The following SEPHS1 variants were observed in gnomAD, a reference collection of about 807,000 sequenced individuals.
The protein encoded by SEPHS1 is selenophosphate synthetase 1, also known as zincore component SEPHS1.
A neutral mutation model predicts 39.2 loss-of-function variants in SEPHS1; 7 were observed. That is an observed-to-expected ratio of 0.18 (90% CI 0.10 to 0.34). SEPHS1 has a LOEUF of 0.34. Among genes scored for constraint, SEPHS1 ranks in the 10% least tolerant of loss-of-function variants. The pLI, the probability that SEPHS1 is intolerant of heterozygous loss-of-function variation, is 1.00. For missense variants in SEPHS1, 253 were observed against 514.5 expected (o/e 0.49, Z 4.92); for synonymous variants, 190 against 195.5 (o/e 0.97, Z 0.23).
At chr10:13,328,774 C>CA (rs1833381092) in intron 6 of SEPHS1, among the ~76,000 whole-genome samples, 1 of 152,192 alleles carries the variant, frequency 6.6e-6, no homozygotes, top group Non-Finnish European at 1.5e-5. Context: ...AGGGCTCCCC[C>CA]ATCCGTGACA....
chr10:13,344,735 CAAAG>C lies in SEPHS1; in HGVS notation c.193+19_193+22del, dbSNP rs755309378. The stretch of plus-strand genomic sequence containing the variant: ...ACTCACTGATTGGATCGCAGACCAT[CAAAG>C]AAACACTGGGTTACCTACCAAGCCT... On this transcript the variant is annotated intron_variant, in intron 2 of 8. Transcript: ENST00000327347. 1.2e-5 allele frequency: 17 copies of C among 1,448,730 alleles called. No homozygotes were observed. In the African/African-American group the frequency reaches 2.4e-4, roughly 21 times the overall value. 89.7% of individuals were successfully genotyped at this position (1,448,730 alleles called of 1,614,324 possible).
intron 8 of SEPHS1, 57 bp downstream of exon 8, chr10:13,322,778 G>T: frequency 1.3e-6 from 2 of 1,533,122 alleles, no homozygotes; most frequent in Non-Finnish European, 1.8e-6. Context: ...CTGCTTTCTC[G>T]CTGAGCTTTC....
chr10:13,328,273 C>T, intron 7 of SEPHS1, 78 bp downstream of exon 7: 1 of 983,966 alleles, frequency 1.0e-6, no homozygotes, highest in South Asian at 1.4e-5. Context: ...TACCCTGAGA[C>T]AGTATGTGGC....
At chr10:13,333,794 A>G in intron 5 of SEPHS1, 23 bp downstream of exon 5, 1 of 1,611,228 alleles carries the variant, frequency 6.2e-7, no homozygotes, top group Non-Finnish European at 8.5e-7. Context: ...AGGTCAGGTG[A>G]TATGAAACAA....
chr10:13,331,904 G>C (rs1833482853), intron 5 of SEPHS1, among the ~76,000 whole-genome samples: 1 of 152,220 alleles, frequency 6.6e-6, no homozygotes, highest in South Asian at 2.1e-4. Context: ...AACAAGTACT[G>C]GAGGGGTCAT....
At chr10:13,344,453 T>C (rs1182475189) in intron 2 of SEPHS1, among the ~76,000 whole-genome samples, 1 of 152,098 alleles carries the variant, frequency 6.6e-6, no homozygotes, top group Non-Finnish European at 1.5e-5. Flanking sequence ...GTACTTTCTC[T>C]ACATAAGTTA....
chr10:13,320,187 ATTTTTT>A (rs991848446), intron 8 of SEPHS1, among the ~76,000 whole-genome samples: 1 of 145,998 alleles, frequency 6.8e-6, no homozygotes, highest in Non-Finnish European at 1.5e-5. Context: ...TAGGCCATAA[ATTTTTT>A]TTTTTTTTGA....
At chr10:13,332,581 C>CTTTGGGA (rs1364173527) in intron 5 of SEPHS1, among the ~76,000 whole-genome samples, 1 of 152,122 alleles carries the variant, frequency 6.6e-6, no homozygotes, top group East Asian at 1.9e-4. Context: ...CGGTGGCTCA[C>CTTTGGGA]GCCTGTAATC....
intron 2 of SEPHS1, among the ~76,000 whole-genome samples, chr10:13,343,368 A>G (rs1188468968): frequency 6.6e-6 from 1 of 152,134 alleles, no homozygotes; most frequent in Admixed American, 6.6e-5. Flanking sequence ...GAGCTCCTCA[A>G]AGTCCTGCAG....
intron 2 of SEPHS1, among the ~76,000 whole-genome samples, chr10:13,342,058 T>C (rs1479978191): frequency 2.7e-5 from 4 of 149,548 alleles, no homozygotes; most frequent in Non-Finnish European, 4.4e-5. Context: ...GGCAGGCGGA[T>C]CACGAGGTCA....
At chr10:13,328,488 GAA>G in intron 6 of SEPHS1, 38 bp from the exon 7 acceptor site, 1 of 1,393,356 alleles carries the variant, frequency 7.2e-7, no homozygotes, top group Non-Finnish European at 1.0e-6. Context: ...AGAAAGAGAG[GAA>G]AATGTGATTA....
At position 13,344,998 on chromosome 10, in the gene SEPHS1, T is replaced by C; in HGVS notation, c.-48A>G. Reference sequence around the variant, plus strand: ...CACAGCTCAGCCCCTCCCCTCCCTCTGCGGGTTGGCTGGGTTCTTTATGGA... The same window carrying C: ...CACAGCTCAGCCCCTCCCCTCCCTCCGCGGGTTGGCTGGGTTCTTTATGGA... On this transcript the variant is annotated 5_prime_UTR_variant, in exon 2 of 9. Coordinates refer to ENST00000327347, the MANE Select transcript of SEPHS1 (RefSeq NM_012247.5). The C allele has an allele frequency of 7.2e-7, 1 of 1,386,710 alleles. No individual in the cohort carries two copies. Among genetic ancestry groups the C allele is most frequent in the Non-Finnish European group, 9.4e-7 (1 of 1,058,738 alleles). 85.9% of individuals were successfully genotyped at this position (1,386,710 alleles called of 1,614,324 possible).
chr10:13,321,774 G>C (rs567406551), intron 8 of SEPHS1, among the ~76,000 whole-genome samples: 1 of 152,382 alleles, frequency 6.6e-6, no homozygotes, highest in South Asian at 2.1e-4. Context: ...TGGCGAGCCT[G>C]TAGGCTGTGG....
chr10:13,322,688 G>A (rs1833151143), intron 8 of SEPHS1, 147 bp downstream of exon 8: 1 of 728,068 alleles, frequency 1.4e-6, no homozygotes, highest in South Asian at 1.7e-5. Context: ...CCGGGAGGAG[G>A]AAAGGCACCA....
At chr10:13,336,727 GA>G (rs1407399061) in intron 3 of SEPHS1, among the ~76,000 whole-genome samples, 1 of 152,152 alleles carries the variant, frequency 6.6e-6, no homozygotes, top group Non-Finnish European at 1.5e-5. Flanking sequence ...GCTATGGAGC[GA>G]AAAAGCCTGC....
rs910256212 is a variant in SEPHS1 at position 13,317,699 on chromosome 10, G to C, written c.*1443C>G. 4 of 152,204 alleles carry C rather than the reference G, an allele frequency of 2.6e-5. No homozygotes were observed. Among genetic ancestry groups the C allele is most frequent in the African/African-American group, 7.2e-5 (3 of 41,436 alleles). 9.4% of individuals were successfully genotyped at this position (152,204 alleles called of 1,614,324 possible). ...TCCCAGGGGTCATTTCCTTTGGCAAGAAGTCAGTTTACATGTGCAGCTTTG... is the reference window on the plus strand; with the variant it reads ...TCCCAGGGGTCATTTCCTTTGGCAACAAGTCAGTTTACATGTGCAGCTTTG... On this transcript the variant is annotated 3_prime_UTR_variant, in exon 9 of 9. Coordinates refer to ENST00000327347, the MANE Select transcript of SEPHS1 (RefSeq NM_012247.5).
At chr10:13,343,391 T>C in intron 2 of SEPHS1, among the ~76,000 whole-genome samples, 1 of 152,190 alleles carries the variant, frequency 6.6e-6, no homozygotes, top group Non-Finnish European at 1.5e-5. Context: ...CACCAGCGAC[T>C]GGGGTGTAAC....
intron 8 of SEPHS1, among the ~76,000 whole-genome samples, chr10:13,321,787 G>A (rs1833126121): frequency 6.6e-6 from 1 of 152,252 alleles, no homozygotes; most frequent in East Asian, 1.9e-4. Flanking sequence ...GGCTGTGGGT[G>A]GCGGCCTCGG....
rs1833409998 is a variant in SEPHS1 at position 13,329,608 on chromosome 10, C to T, written c.651+90G>A. ...TAATATTAACTCCCTGGATATGAAA[C>T]TAAAAAACCTCATTTCCCAAATCCT... On this transcript the variant is annotated intron_variant, in intron 6 of 8. Transcript: ENST00000327347. 5 of 952,386 alleles carry T rather than the reference C, an allele frequency of 5.2e-6. No individual in the cohort carries two copies. The Admixed American group carries it at 1.1e-4, about 20-fold the overall frequency. The allele number at this position is 952,386 out of a possible 1,614,324, so 59.0% of individuals were successfully genotyped here. A position where few individuals can be genotyped will look rare whatever the true frequency, so the allele number is the denominator to read the frequency against.
Sources: gnomAD v4.1 joint callset for allele counts (sites outside exome capture counted in the v4.1 genomes callset) on GRCh38, gnomAD v4.1.1 for gene constraint, MANE v1.5 for transcripts, NCBI Gene and HGNC (gene_info 2026-07-23, HGNC 2026-07-21) for gene names.